GAP43: variants seen among roughly 807,000 people sequenced by gnomAD.
GAP43 encodes growth associated protein 43.
In GAP43, 6 loss-of-function variants were observed where a neutral mutation model predicts 18.6. The observed-to-expected ratio is 0.32, with a 90% CI of 0.18 to 0.64. The LOEUF is 0.64. GAP43 is among the 30% of genes least tolerant of loss of function. The pLI, the probability that GAP43 is intolerant of heterozygous loss-of-function variation, is 0.78. For missense variants in GAP43, 292 were observed against 295.5 expected (o/e 0.99, Z 0.09); for synonymous variants, 115 against 111.4 (o/e 1.03, Z -0.20).
At chr3:115,662,744 C>T (rs1708680074) in intron 1 of GAP43, among the ~76,000 whole-genome samples, 1 of 152,226 alleles carries the variant, frequency 6.6e-6, no homozygotes, top group South Asian at 2.1e-4. Flanking sequence ...TCTGTACATC[C>T]CTTTGGGCCA....
intron 1 of GAP43, among the ~76,000 whole-genome samples, chr3:115,659,559 C>T (rs1208559890): frequency 2.0e-5 from 3 of 152,064 alleles, no homozygotes; most frequent in African/African-American, 7.2e-5. Flanking sequence ...GGCTTTGTCA[C>T]AGGCTGTAAG....
intron 1 of GAP43, among the ~76,000 whole-genome samples, chr3:115,629,928 T>C (rs1329019376): frequency 3.9e-5 from 6 of 152,218 alleles, no homozygotes; most frequent in Admixed American, 3.9e-4. Context: ...TATTCACTTA[T>C]AGACATGACA....
At chr3:115,688,588 C>T (rs748580276) in intron 2 of GAP43, among the ~76,000 whole-genome samples, 58 of 152,280 alleles carry the variant, frequency 3.8e-4, no homozygotes, top group Non-Finnish European at 6.0e-4. Context: ...CCCTAGTGGA[C>T]GATAGCTGTT....
At chr3:115,714,741 T>C (rs1230199903) in intron 2 of GAP43, among the ~76,000 whole-genome samples, 1 of 151,450 alleles carries the variant, frequency 6.6e-6, no homozygotes, top group Non-Finnish European at 1.5e-5. Flanking sequence ...GGTTTTATAA[T>C]AGAACTGGAT....
chr3:115,698,981 G>T (rs1019052879), intron 2 of GAP43, among the ~76,000 whole-genome samples: 1 of 152,122 alleles, frequency 6.6e-6, no homozygotes, highest in Non-Finnish European at 1.5e-5. Context: ...GGCATAAAGG[G>T]CTGTGTTTCA....
chr3:115,698,220 A>ATATTAT (rs1269048812), intron 2 of GAP43, among the ~76,000 whole-genome samples: 1 of 58,956 alleles, frequency 1.7e-5, no homozygotes, highest in African/African-American at 6.6e-5. Flanking sequence ...TAAAATATAT[A>ATATTAT]ATATATAATA....
At chr3:115,682,519 A>G (rs146987433) in intron 2 of GAP43, among the ~76,000 whole-genome samples, 5 of 152,302 alleles carry the variant, frequency 3.3e-5, no homozygotes, top group African/African-American at 1.2e-4. Flanking sequence ...ACTTAATAGA[A>G]GAGACAAATT....
At chr3:115,682,318 A>T (rs1335813536) in intron 2 of GAP43, among the ~76,000 whole-genome samples, 2 of 152,148 alleles carry the variant, frequency 1.3e-5, no homozygotes, top group Non-Finnish European at 2.9e-5. Context: ...TGCCAGGAGG[A>T]TCTGAAAACT....
At chr3:115,686,542 A>T (rs1188934091) in intron 2 of GAP43, among the ~76,000 whole-genome samples, 1 of 152,164 alleles carries the variant, frequency 6.6e-6, no homozygotes, top group East Asian at 1.9e-4. Context: ...GAAAGTGCAT[A>T]ATTTATTATA....
At chr3:115,670,100 C>T (rs1210743435) in intron 1 of GAP43, among the ~76,000 whole-genome samples, 27 of 135,354 alleles carry the variant, frequency 2.0e-4, no homozygotes, top group African/African-American at 5.3e-4. Context: ...CACCCACTAA[C>T]GTGTCATCTA....
intron 2 of GAP43, among the ~76,000 whole-genome samples, chr3:115,677,336 G>A (rs949100648): frequency 2.6e-5 from 4 of 152,150 alleles, no homozygotes; most frequent in African/African-American, 9.7e-5. Flanking sequence ...TTGAAGACAC[G>A]ACTTTCTACA....
chr3:115,684,984 A>G (rs1387787006), intron 2 of GAP43, among the ~76,000 whole-genome samples: 1 of 152,176 alleles, frequency 6.6e-6, no homozygotes, highest in Non-Finnish European at 1.5e-5. Flanking sequence ...CAGCTTTTTA[A>G]CCTTCAGTGG....
At chr3:115,636,469 T>A (rs751770295) in intron 1 of GAP43, among the ~76,000 whole-genome samples, 5 of 152,154 alleles carry the variant, frequency 3.3e-5, no homozygotes, top group Non-Finnish European at 7.4e-5. Flanking sequence ...AATGTCCATA[T>A]GTATGTAATG....
Position 115,721,269 on chromosome 3 carries a change from C to T in GAP43, c.*387C>T, listed in dbSNP as rs1359279286. Reference sequence around the variant, plus strand: ...CTGTTCCAAGTGTGTGTGCAATGTTCCGTTCATCTGAGGAGTCCAAAATAT... The same window carrying T: ...CTGTTCCAAGTGTGTGTGCAATGTTTCGTTCATCTGAGGAGTCCAAAATAT... On this transcript the variant is annotated 3_prime_UTR_variant, in exon 3 of 3. Transcript: ENST00000305124. 2 of 154,008 alleles carry T rather than the reference C, an allele frequency of 1.3e-5. No individual in the cohort carries two copies. The highest frequency in any genetic ancestry group is 1.4e-5 in the Non-Finnish European group (1 of 69,202). 9.5% of individuals were successfully genotyped at this position (154,008 alleles called of 1,614,324 possible).
At chr3:115,698,836 G>A (rs947300166) in intron 2 of GAP43, among the ~76,000 whole-genome samples, 1 of 152,086 alleles carries the variant, frequency 6.6e-6, no homozygotes, top group Non-Finnish European at 1.5e-5. Context: ...TAATGACTTG[G>A]CCCTAAACTG....
chr3:115,641,036 T>C lies in GAP43; in HGVS notation c.30+17317T>C, dbSNP rs75445980. Among the ~76,000 whole-genome samples the C allele has an allele frequency of 1.6e-4, 23 of 143,654 alleles. No homozygotes were observed. The Middle Eastern group carries it at 0.018, about 110-fold the overall frequency. 94.2% of individuals were successfully genotyped at this position (143,654 alleles called of 152,430 possible). On this transcript the variant is annotated intron_variant, in intron 1 of 2. Transcript: ENST00000305124. ...TCTTGCTTTATTCTGTTTTTTTTTT[T>C]CTTTTTTTTTTTTCAATGAGGTTTT...
intron 2 of GAP43, among the ~76,000 whole-genome samples, chr3:115,712,636 C>G (rs283366): frequency 0.45 from 68,298 of 151,936 alleles, 15,970 homozygotes; most frequent in African/African-American, 0.57. Flanking sequence ...AGGTAGGGCA[C>G]GCATTATTAT....
chr3:115,692,490 TA>T (rs1270556989), intron 2 of GAP43, among the ~76,000 whole-genome samples: 1 of 152,166 alleles, frequency 6.6e-6, no homozygotes, highest in Admixed American at 6.5e-5. Flanking sequence ...AAAGACTCAG[TA>T]CCAGTATAGA....
chr3:115,675,363 C>T (rs1708867408), intron 1 of GAP43, among the ~76,000 whole-genome samples: 1 of 152,118 alleles, frequency 6.6e-6, no homozygotes, highest in Non-Finnish European at 1.5e-5. Context: ...AACCACTGCA[C>T]CCAGCTTGTA....
Sources: allele counts gnomAD v4.1 joint callset (sites outside exome capture counted in the v4.1 genomes callset), GRCh38; gene constraint gnomAD v4.1.1; transcripts MANE v1.5; gene names NCBI Gene and HGNC (gene_info 2026-07-23, HGNC 2026-07-21).